The following FAM110B variants were observed in gnomAD, a reference collection of about 807,000 sequenced individuals.
FAM110B encodes the protein protein FAM110B.
In FAM110B, 6 loss-of-function variants were observed where a neutral mutation model predicts 20.4. The ratio of observed to expected loss-of-function variants is 0.29; its 90% CI spans 0.16 to 0.58. The LOEUF (loss-of-function observed/expected upper bound fraction) is 0.58. Ranked by LOEUF, FAM110B falls within the 20% of genes least tolerant of loss-of-function variation. The probability of loss-of-function intolerance (pLI) is 0.90; values close to 1 mark genes in which losing one functional copy is unlikely to be tolerated. For synonymous variants in FAM110B, 226 were observed against 214.1 expected, an observed-to-expected ratio of 1.06 and a Z score of -0.49; for missense variants, 434 against 498.2, an observed-to-expected ratio of 0.87 and a Z score of 1.23.
intron 3 of FAM110B, among the ~76,000 whole-genome samples, chr8:58,141,408 T>A (rs183562129): frequency 3.3e-4 from 51 of 152,340 alleles, no homozygotes; most frequent in Non-Finnish European, 5.9e-5. Context: ...CACATTTGTT[T>A]TTATAGATAA....
At chr8:58,017,028 T>G (rs937605150) in intron 1 of FAM110B, among the ~76,000 whole-genome samples, 2 of 152,200 alleles carry the variant, frequency 1.3e-5, no homozygotes, top group Admixed American at 6.5e-5. Flanking sequence ...TGGAGAACTT[T>G]AGCAGTTTAC....
At chr8:58,125,625 G>A (rs1257384794) in intron 3 of FAM110B, among the ~76,000 whole-genome samples, 1 of 152,058 alleles carries the variant, frequency 6.6e-6, no homozygotes, top group East Asian at 1.9e-4. Flanking sequence ...CTGATTTTTA[G>A]GCCAAAGTTT....
At chr8:58,091,209 AT>A (rs1283381445) in intron 3 of FAM110B, among the ~76,000 whole-genome samples, 1 of 152,224 alleles carries the variant, frequency 6.6e-6, no homozygotes, top group Non-Finnish European at 1.5e-5. Context: ...AGCTGGGAGT[AT>A]GTTTTAAGCA....
chr8:58,043,525 G>A (rs1229019064), intron 2 of FAM110B, among the ~76,000 whole-genome samples: 2 of 151,752 alleles, frequency 1.3e-5, no homozygotes, highest in East Asian at 1.9e-4. Flanking sequence ...TGCACAACGT[G>A]CAAGTTTGTT....
chr8:58,007,083 C>T (rs1369919296), intron 1 of FAM110B, among the ~76,000 whole-genome samples: 10 of 151,772 alleles, frequency 6.6e-5, no homozygotes, highest in Non-Finnish European at 1.0e-4. Context: ...GTCGAGTCTT[C>T]CCTCGCCCTG....
chr8:58,104,734 A>G (rs188034019), intron 3 of FAM110B, among the ~76,000 whole-genome samples: 20 of 152,296 alleles, frequency 1.3e-4, no homozygotes, highest in African/African-American at 4.3e-4. Flanking sequence ...AATACAACCA[A>G]TCAGAATACA....
At chr8:58,140,654 A>T (rs1302952487) in intron 3 of FAM110B, among the ~76,000 whole-genome samples, 1 of 152,192 alleles carries the variant, frequency 6.6e-6, no homozygotes, top group Non-Finnish European at 1.5e-5. Flanking sequence ...CAATTACCCA[A>T]TAAAATCCAA....
chr8:58,047,055 C>T (rs537701217), intron 2 of FAM110B, among the ~76,000 whole-genome samples: 15 of 151,928 alleles, frequency 9.9e-5, no homozygotes, highest in South Asian at 4.1e-4. Flanking sequence ...AGAAGAGTTA[C>T]GAAGAGAAAA....
chr8:58,138,483 G>T (rs1803672096), intron 3 of FAM110B, among the ~76,000 whole-genome samples: 1 of 152,172 alleles, frequency 6.6e-6, no homozygotes, highest in Admixed American at 6.5e-5. Context: ...GTATAAGCCA[G>T]TTCCCAGGCT....
intron 2 of FAM110B, among the ~76,000 whole-genome samples, chr8:58,035,940 C>A (rs1478598664): frequency 6.6e-6 from 1 of 152,134 alleles, no homozygotes; most frequent in African/African-American, 2.4e-5. Context: ...ATGAGACTGA[C>A]CTTGTGCAAG....
At chr8:58,070,302 C>T (rs1370365175) in intron 2 of FAM110B, 3 of 152,238 alleles carry the variant, frequency 2.0e-5, no homozygotes, top group Admixed American at 2.0e-4. Context: ...AGGCGCCCGA[C>T]AGAAGGCGTT....
chr8:58,082,328 T>TC (rs1481799764), intron 3 of FAM110B, among the ~76,000 whole-genome samples: 2 of 152,106 alleles, frequency 1.3e-5, no homozygotes, highest in African/African-American at 4.8e-5. Context: ...AATAACTGCA[T>TC]CTCCTCTAGA....
intron 1 of FAM110B, among the ~76,000 whole-genome samples, chr8:58,007,798 A>G (rs530448502): frequency 3.9e-5 from 6 of 152,250 alleles, no homozygotes; most frequent in South Asian, 2.1e-4. Context: ...TAAGCTGTCT[A>G]GTTTACAGAA....
rs769950339 is a variant in FAM110B at position 58,148,291 on chromosome 8, C to T, written c.*948C>T. On this transcript the variant is annotated 3_prime_UTR_variant, in exon 4 of 4. Transcript: ENST00000519262. The stretch of plus-strand genomic sequence containing the variant: ...TGTGCAGATTTGAGCTATCTGAAGA[C>T]ATGAACAGAAGTCAAATACCAGCCA... The T allele has an allele frequency of 1.2e-5, 2 of 163,534 alleles. No homozygotes were observed. 10.1% of individuals were successfully genotyped at this position (163,534 alleles called of 1,614,324 possible).
intron 3 of FAM110B, among the ~76,000 whole-genome samples, chr8:58,081,554 C>G (rs966781461): frequency 6.6e-6 from 1 of 152,166 alleles, no homozygotes; most frequent in Non-Finnish European, 1.5e-5. Flanking sequence ...TGCTCTGAAA[C>G]GTTGTTTCTC....
At chr8:58,011,130 G>A (rs1312977848) in intron 1 of FAM110B, among the ~76,000 whole-genome samples, 1 of 152,144 alleles carries the variant, frequency 6.6e-6, no homozygotes, top group African/African-American at 2.4e-5. Context: ...CAATCGAGGA[G>A]GTTTGTTTTC....
At chr8:58,070,928 T>A (rs1005100395) in intron 2 of FAM110B, among the ~76,000 whole-genome samples, 1 of 152,196 alleles carries the variant, frequency 6.6e-6, no homozygotes, top group African/African-American at 2.4e-5. Context: ...GCCTTTTGAA[T>A]ACAGAGAGGG....
intron 3 of FAM110B, among the ~76,000 whole-genome samples, chr8:58,135,478 A>G (rs1427138741): frequency 6.6e-6 from 1 of 152,146 alleles, no homozygotes; most frequent in Non-Finnish European, 1.5e-5. Context: ...TCAAATTTAA[A>G]TGTTTCATAA....
In FAM110B at chr8:58,024,599, C is replaced by T. The variant is rs1171888614; in HGVS notation, c.-511-7007C>T. Among the ~76,000 whole-genome samples the T allele has an allele frequency of 2.6e-5, 4 of 152,186 alleles. No homozygotes were observed. In the East Asian group the frequency reaches 7.7e-4, roughly 29 times the overall value. ...CAAGGTACGTTATGAATAATAGTGG[C>T]CAGGACTTAACACAACTCTGCCTTA... On this transcript the variant is annotated intron_variant, in intron 1 of 3. Coordinates refer to ENST00000519262, the MANE Select transcript of FAM110B (RefSeq NM_001377989.1).
Sources: gnomAD v4.1 joint callset for allele counts (sites outside exome capture counted in the v4.1 genomes callset) on GRCh38, gnomAD v4.1.1 for gene constraint, MANE v1.5 for transcripts, NCBI Gene and HGNC (gene_info 2026-07-23, HGNC 2026-07-21) for gene names.